BCKDHB: variants seen among roughly 807,000 people sequenced by gnomAD.
BCKDHB encodes the protein branched chain keto acid dehydrogenase E1 subunit beta, also known as 2-oxoisovalerate dehydrogenase subunit beta, mitochondrial.
A neutral mutation model predicts 48.5 loss-of-function variants in BCKDHB; 41 were observed. The observed-to-expected ratio is 0.85, with a 90% confidence interval of 0.66 to 1.10. The LOEUF is 1.10. Ranked by LOEUF, BCKDHB falls within the 50% of genes least tolerant of loss-of-function variation. The pLI is 0.00. For missense variants in BCKDHB, 496 were observed against 494.2 expected, an observed-to-expected ratio of 1.00 and a Z score of -0.03; for synonymous variants, 201 against 174.8, an observed-to-expected ratio of 1.15 and a Z score of -1.18.
At position 80,171,855 on chromosome 6, in the gene BCKDHB, A is replaced by G. The variant is rs146682927; in HGVS notation, c.742+465A>G. Among the ~76,000 whole-genome samples, 264 of 152,256 alleles carry G rather than the reference A, an allele frequency of 1.7e-3. 1 individual carries two copies. The highest frequency in any genetic ancestry group is 6.0e-3 in the African/African-American group (251 of 41,580). ...CTGGGATGACTGTGTAAAGCAAACT[A>G]AGGTGTTTGGTCATCCTCTTTTTAG... On this transcript the variant is annotated intron_variant, in intron 6 of 9. Transcript: ENST00000320393.
chr6:80,153,471 T>C (rs1332857105), intron 3 of BCKDHB, among the ~76,000 whole-genome samples: 1 of 152,106 alleles, frequency 6.6e-6, no homozygotes, highest in Non-Finnish European at 1.5e-5. Flanking sequence ...ATGAGCACAG[T>C]ACATGCCTAG....
intron 1 of BCKDHB, among the ~76,000 whole-genome samples, chr6:80,125,308 A>G (rs1479242470): frequency 6.6e-6 from 1 of 152,172 alleles, no homozygotes; most frequent in African/African-American, 2.4e-5. Flanking sequence ...GCCCTGGATT[A>G]GGCTTTGACT....
chr6:80,142,904 C>T (rs1392381811), intron 3 of BCKDHB, among the ~76,000 whole-genome samples: 1 of 152,014 alleles, frequency 6.6e-6, no homozygotes, highest in Non-Finnish European at 1.5e-5. Context: ...GCCGCATATT[C>T]CTTGATTTCA....
At chr6:80,249,944 A>T (rs1353542528) in intron 8 of BCKDHB, among the ~76,000 whole-genome samples, 1 of 152,172 alleles carries the variant, frequency 6.6e-6, no homozygotes, top group Non-Finnish European at 1.5e-5. Context: ...CTCTGAAATA[A>T]TGCTATTATT....
the BCKDHB span, among the ~76,000 whole-genome samples, chr6:80,458,443 C>A: frequency 6.6e-6 from 1 of 152,192 alleles, no homozygotes; most frequent in Non-Finnish European, 1.5e-5. Context: ...ATGGAAGAAG[C>A]AGCAGGAGCT....
At chr6:80,240,774 C>A (rs1377660766) in intron 8 of BCKDHB, among the ~76,000 whole-genome samples, 1 of 152,100 alleles carries the variant, frequency 6.6e-6, no homozygotes, top group Non-Finnish European at 1.5e-5. Flanking sequence ...CCAGTTTTTG[C>A]CCATTTAGTA....
chr6:80,322,896 C>CTT lies in BCKDHB; in HGVS notation c.1039-20752_1039-20751dup, dbSNP rs34177726. ...TGATTCTTCTTTTTTTTTCTTTTTTCTTTTTTTTTTTTTTTTTGCATACAG... is the reference window on the plus strand; with the variant it reads ...TGATTCTTCTTTTTTTTTCTTTTTTCTTTTTTTTTTTTTTTTTTTGCATACAG... On this transcript the variant is annotated intron_variant, in intron 9 of 9. Coordinates refer to ENST00000320393, the MANE Select transcript of BCKDHB (RefSeq NM_183050.4). Among the ~76,000 whole-genome samples the CTT allele has an allele frequency of 9.4e-3, 1,085 of 115,532 alleles. 17 individuals are homozygous for CTT. Among genetic ancestry groups the CTT allele is most frequent in the African/African-American group, 0.03 (934 of 31,006 alleles). 75.8% of individuals were successfully genotyped at this position (115,532 alleles called of 152,430 possible).
At chr6:80,114,347 C>G (rs1285740664) in intron 1 of BCKDHB, among the ~76,000 whole-genome samples, 1 of 151,660 alleles carries the variant, frequency 6.6e-6, no homozygotes, top group Non-Finnish European at 1.5e-5. Context: ...TTCCCAGGCT[C>G]AGGTGATCCT....
the BCKDHB span, among the ~76,000 whole-genome samples, chr6:80,427,782 C>T: frequency 6.6e-6 from 1 of 152,156 alleles, no homozygotes; most frequent in Non-Finnish European, 1.5e-5. Context: ...TGTTATACCA[C>T]TGTGTTCTGC....
At chr6:80,407,241 C>T in the BCKDHB span, among the ~76,000 whole-genome samples, 17 of 152,290 alleles carry the variant, frequency 1.1e-4, no homozygotes, top group East Asian at 2.3e-3. Flanking sequence ...CAATACCATG[C>T]TGTTTTGGTT....
chr6:80,383,681 T>A, the BCKDHB span, among the ~76,000 whole-genome samples: 2 of 152,120 alleles, frequency 1.3e-5, no homozygotes, highest in South Asian at 2.1e-4. Flanking sequence ...AATGTTTTTT[T>A]AATCAGTAGT....
chr6:80,118,285 A>G (rs1222682020), intron 1 of BCKDHB, among the ~76,000 whole-genome samples: 5 of 152,230 alleles, frequency 3.3e-5, no homozygotes, highest in Non-Finnish European at 5.9e-5. Flanking sequence ...TTCCCAGTGC[A>G]TATTAACATG....
At chr6:80,249,233 C>T (rs1776739971) in intron 8 of BCKDHB, among the ~76,000 whole-genome samples, 1 of 151,508 alleles carries the variant, frequency 6.6e-6, no homozygotes, top group Admixed American at 6.6e-5. Context: ...CTAAATGTTC[C>T]TTGGGCTAGA....
intron 1 of BCKDHB, among the ~76,000 whole-genome samples, chr6:80,118,184 T>A (rs957333671): frequency 2.0e-5 from 3 of 152,178 alleles, no homozygotes; most frequent in Non-Finnish European, 4.4e-5. Flanking sequence ...ACCTCGGACA[T>A]ATTGTGGGTT....
the BCKDHB span, among the ~76,000 whole-genome samples, chr6:80,354,383 A>T: frequency 6.6e-6 from 1 of 152,080 alleles, no homozygotes; most frequent in South Asian, 2.1e-4. Flanking sequence ...ACATGCCATC[A>T]TGCCCAGCTA....
chr6:80,203,513 G>A (rs544883545), intron 8 of BCKDHB, among the ~76,000 whole-genome samples: 58 of 152,176 alleles, frequency 3.8e-4, no homozygotes, highest in African/African-American at 1.3e-3. Flanking sequence ...CAAGGATGCC[G>A]AAGGCACCTG....
At chr6:80,393,067 A>G in the BCKDHB span, among the ~76,000 whole-genome samples, 1 of 151,918 alleles carries the variant, frequency 6.6e-6, no homozygotes, top group Non-Finnish European at 1.5e-5. Flanking sequence ...TTTTTCATCA[A>G]TCGGTATTTA....
At chr6:80,269,543 G>A (rs1172045932) in intron 8 of BCKDHB, among the ~76,000 whole-genome samples, 1 of 151,892 alleles carries the variant, frequency 6.6e-6, no homozygotes, top group Admixed American at 6.6e-5. Context: ...GTAACTCATT[G>A]GTGCTCCATC....
At chr6:80,195,679 A>T (rs976594691) in intron 6 of BCKDHB, among the ~76,000 whole-genome samples, 3 of 152,150 alleles carry the variant, frequency 2.0e-5, no homozygotes, top group Non-Finnish European at 2.9e-5. Context: ...TGGTCCTAAG[A>T]TTACAGGTGG....
Sources: allele counts gnomAD v4.1 joint callset (sites outside exome capture counted in the v4.1 genomes callset), GRCh38; gene constraint gnomAD v4.1.1; transcripts MANE v1.5; gene names NCBI Gene and HGNC (gene_info 2026-07-23, HGNC 2026-07-21).